PLA2G4A: variants seen among roughly 807,000 people sequenced by gnomAD.
PLA2G4A encodes cytosolic phospholipase A2.
A neutral mutation model predicts 81.9 loss-of-function variants in PLA2G4A; 40 were observed. The ratio of observed to expected loss-of-function variants is 0.49; its 90% CI spans 0.38 to 0.64. The LOEUF (loss-of-function observed/expected upper bound fraction) is 0.64, where lower values mean the gene tolerates loss of function less well. Ranked by LOEUF, PLA2G4A falls within the 30% of genes least tolerant of loss-of-function variation. The probability of loss-of-function intolerance (pLI) is 0.00; values close to 1 mark genes in which losing one functional copy is unlikely to be tolerated. For synonymous variants in PLA2G4A, 302 were observed against 296.9 expected (o/e 1.02, Z -0.18); for missense variants, 715 against 905.1 (o/e 0.79, Z 2.69).
intron 5 of PLA2G4A, 68 bp downstream of exon 5, chr1:186,894,279 G>A: frequency 1.3e-6 from 1 of 762,218 alleles, no homozygotes; most frequent in Non-Finnish European, 2.4e-6. Context: ...TGGGAAGTTG[G>A]GTTTAACACT....
intron 17 of PLA2G4A, 94 bp downstream of exon 17, chr1:186,979,566 G>A (rs1657649474): frequency 1.1e-6 from 1 of 889,540 alleles, no homozygotes; most frequent in African/African-American, 1.7e-5. Flanking sequence ...AAAAAAATAA[G>A]TGTTATGAAT....
intron 6 of PLA2G4A, among the ~76,000 whole-genome samples, chr1:186,908,878 T>A (rs751410462): frequency 6.6e-6 from 1 of 151,312 alleles, no homozygotes; most frequent in African/African-American, 2.4e-5. Context: ...ATTTAAGTAG[T>A]GATTACCTTT....
chr1:186,972,631 C>G (rs1368879952), intron 15 of PLA2G4A, among the ~76,000 whole-genome samples: 1 of 152,036 alleles, frequency 6.6e-6, no homozygotes, highest in African/African-American at 2.4e-5. Context: ...AAATCTGGCT[C>G]AGTTTTTCAG....
rs1156515062 is a variant in PLA2G4A at position 186,922,613 on chromosome 1, AC to A, written c.559-10148del. Among the ~76,000 whole-genome samples the A allele has an allele frequency of 1.3e-5, 2 of 152,186 alleles. 1 individual carries two copies. The highest frequency in any genetic ancestry group is 3.9e-4 in the East Asian group (2 of 5,188). On this transcript the variant is annotated intron_variant, in intron 7 of 17. Transcript: ENST00000367466. ...ATGCTCCACAGGGCAGGCCTAAGCC[AC>A]CTAAGGAGCTGCCTCGACCGTCTGT...
chr1:186,960,974 A>G (rs774642625), intron 14 of PLA2G4A, among the ~76,000 whole-genome samples: 3 of 152,212 alleles, frequency 2.0e-5, no homozygotes, highest in Non-Finnish European at 4.4e-5. Flanking sequence ...TATCTTGCAT[A>G]ACTATGCTTT....
intron 6 of PLA2G4A, among the ~76,000 whole-genome samples, chr1:186,907,500 A>C (rs1571388563): frequency 6.6e-6 from 1 of 152,348 alleles, no homozygotes; most frequent in East Asian, 1.9e-4. Context: ...AATGGCCTCC[A>C]AAACTGAACG....
At chr1:186,857,161 TAATATAATTATATA>T (rs1652601062) in intron 2 of PLA2G4A, among the ~76,000 whole-genome samples, 4 of 8,874 alleles carry the variant, frequency 4.5e-4, no homozygotes, top group African/African-American at 2.8e-3. Flanking sequence ...TTACATAATA[TAATATAATTATATA>T]ATATGTCTGC....
chr1:186,959,088 T>A (rs1232942526), intron 14 of PLA2G4A, among the ~76,000 whole-genome samples: 1 of 152,090 alleles, frequency 6.6e-6, no homozygotes, highest in African/African-American at 2.4e-5. Context: ...AAAGGAGGAA[T>A]TTTCATCTTC....
intron 1 of PLA2G4A, among the ~76,000 whole-genome samples, chr1:186,829,464 C>A (rs562540268): frequency 6.6e-6 from 1 of 152,166 alleles, no homozygotes; most frequent in Admixed American, 6.5e-5. Flanking sequence ...ACTCACTTAA[C>A]TTTTAATTTC....
chr1:186,962,486 TTTTATTTATTTA>T (rs10657628), intron 14 of PLA2G4A, among the ~76,000 whole-genome samples: 325 of 136,692 alleles, frequency 2.4e-3, no homozygotes, highest in African/African-American at 5.1e-3. Flanking sequence ...AGTTATTTTA[TTTTATTTATTTA>T]TTTATTTATT....
At chr1:186,962,655 G>T (rs915212525) in intron 14 of PLA2G4A, among the ~76,000 whole-genome samples, 1 of 152,018 alleles carries the variant, frequency 6.6e-6, no homozygotes, top group Non-Finnish European at 1.5e-5. Flanking sequence ...AGAGTAGCTG[G>T]GACTACAGGC....
At chr1:186,832,528 C>T (rs528756851) in intron 1 of PLA2G4A, among the ~76,000 whole-genome samples, 163 of 152,214 alleles carry the variant, frequency 1.1e-3, no homozygotes, top group African/African-American at 3.6e-3. Flanking sequence ...GTAGAGTTTT[C>T]TATGTCAATA....
In PLA2G4A at chr1:186,988,513, T is replaced by C; in HGVS notation, c.*5T>C. 6.2e-7 allele frequency: 1 copy of C among 1,610,550 alleles called. No homozygotes were observed. Among genetic ancestry groups the C allele is most frequent in the Non-Finnish European group, 8.5e-7 (1 of 1,177,788 alleles). On this transcript the variant is annotated 3_prime_UTR_variant, in exon 18 of 18. Transcript: ENST00000367466. ...CTAAGTAAACCCAAAGCATAGTTCATGTACTGGAAATGGCAGCAGTTTCTG... is the reference window on the plus strand; with the variant it reads ...CTAAGTAAACCCAAAGCATAGTTCACGTACTGGAAATGGCAGCAGTTTCTG...
chr1:186,861,045 A>G (rs1187630559), intron 2 of PLA2G4A, among the ~76,000 whole-genome samples: 1 of 152,030 alleles, frequency 6.6e-6, no homozygotes, highest in East Asian at 1.9e-4. Flanking sequence ...GTTATCTTTG[A>G]TTTTGTGTTG....
At chr1:186,959,233 C>T (rs1008226060) in intron 14 of PLA2G4A, among the ~76,000 whole-genome samples, 5 of 151,988 alleles carry the variant, frequency 3.3e-5, no homozygotes, top group South Asian at 2.1e-4. Flanking sequence ...GAGTTGATTG[C>T]GGGTGTTCGC....
At chr1:186,861,808 C>A (rs1211611290) in intron 2 of PLA2G4A, among the ~76,000 whole-genome samples, 2 of 151,940 alleles carry the variant, frequency 1.3e-5, no homozygotes, top group African/African-American at 2.4e-5. Flanking sequence ...CACCATATGA[C>A]AGTTATTTTC....
At chr1:186,952,402 TA>T (rs1164693889) in intron 13 of PLA2G4A, among the ~76,000 whole-genome samples, 1 of 152,156 alleles carries the variant, frequency 6.6e-6, no homozygotes, top group Non-Finnish European at 1.5e-5. Context: ...CTCTTTTACA[TA>T]GAGTTTTTAG....
At chr1:186,856,424 C>T (rs1652555389) in intron 2 of PLA2G4A, among the ~76,000 whole-genome samples, 1 of 147,738 alleles carries the variant, frequency 6.8e-6, no homozygotes, top group Non-Finnish European at 1.5e-5. Flanking sequence ...GAGTCTCACT[C>T]TGTTGCCCAA....
At chr1:186,865,938 A>T (rs1457566563) in intron 2 of PLA2G4A, among the ~76,000 whole-genome samples, 1 of 152,220 alleles carries the variant, frequency 6.6e-6, no homozygotes, top group African/African-American at 2.4e-5. Context: ...ATGCAGAAAG[A>T]CACTCAAAGT....
Sources: allele counts gnomAD v4.1 joint callset (sites outside exome capture counted in the v4.1 genomes callset), GRCh38; gene constraint gnomAD v4.1.1; transcripts MANE v1.5; gene names NCBI Gene and HGNC (gene_info 2026-07-23, HGNC 2026-07-21).